The following SIPA1L3 variants were observed in gnomAD, a reference collection of about 807,000 sequenced individuals.
SIPA1L3 encodes the protein signal-induced proliferation-associated 1-like protein 3.
Under a neutral mutation model 150.1 loss-of-function variants are expected in SIPA1L3, and 59 were observed. The observed-to-expected ratio is 0.39, with a 90% CI of 0.32 to 0.49. SIPA1L3 has a LOEUF of 0.49. Among genes scored for constraint, SIPA1L3 ranks in the 20% least tolerant of loss-of-function variants. SIPA1L3 has a pLI of 0.86. For synonymous variants in SIPA1L3, 1,070 were observed against 1,077.6 expected, an observed-to-expected ratio of 0.99 and a Z score of 0.14; for missense variants, 2,211 against 2,489.5, an observed-to-expected ratio of 0.89 and a Z score of 2.38.
intron 1 of SIPA1L3, among the ~76,000 whole-genome samples, chr19:37,923,394 C>A (rs2145486340): frequency 6.6e-6 from 1 of 152,328 alleles, no homozygotes. Flanking sequence ...CAAACCTACA[C>A]ACATGTGACT....
chr19:37,945,303 C>T (rs544954653), intron 1 of SIPA1L3, among the ~76,000 whole-genome samples: 5 of 151,788 alleles, frequency 3.3e-5, no homozygotes, highest in African/African-American at 7.3e-5. Flanking sequence ...GGTGCGATCT[C>T]GGCTCACTGC....
intron 4 of SIPA1L3, among the ~76,000 whole-genome samples, chr19:38,090,392 G>C (rs1011967949): frequency 1.3e-5 from 2 of 150,290 alleles, no homozygotes; most frequent in East Asian, 3.9e-4. Flanking sequence ...CTCTGCTTTA[G>C]ATCACAAGCC....
intron 16 of SIPA1L3, among the ~76,000 whole-genome samples, chr19:38,183,335 C>T (rs1167879463): frequency 2.0e-5 from 3 of 149,130 alleles, no homozygotes; most frequent in Non-Finnish European, 4.4e-5. Context: ...ATGGTCCAGG[C>T]GCAGACGAAG....
rs142998769 is a variant in SIPA1L3, at chr19:38,074,051, A to G, written c.-310-7205A>G. ...CCAGGAGGCAGTCTGGTTCCTGCCT[A>G]TGCTGTGCTTCTCTCATCACGGGGG... On this transcript the variant is annotated intron_variant, in intron 2 of 21. Transcript: ENST00000222345. Among the ~76,000 whole-genome samples, 407 of 152,348 alleles carry G rather than the reference A, an allele frequency of 2.7e-3. 1 individual carries two copies. Among genetic ancestry groups the G allele is most frequent in the African/African-American group, 9.4e-3 (390 of 41,576 alleles).
intron 1 of SIPA1L3, among the ~76,000 whole-genome samples, chr19:37,995,412 G>T (rs1967612846): frequency 6.6e-6 from 1 of 152,166 alleles, no homozygotes; most frequent in African/African-American, 2.4e-5. Flanking sequence ...GGGATCTGAA[G>T]CCATGTATTC....
intron 1 of SIPA1L3, among the ~76,000 whole-genome samples, chr19:37,958,607 A>G (rs353424): frequency 0.31 from 46,702 of 152,068 alleles, 8,885 homozygotes; most frequent in East Asian, 0.68. Flanking sequence ...GAGTTAGGCA[A>G]TGGTTTCTTA....
At chr19:38,093,355 T>C (rs1057000955) in intron 4 of SIPA1L3, among the ~76,000 whole-genome samples, 10 of 152,156 alleles carry the variant, frequency 6.6e-5, no homozygotes, top group African/African-American at 2.4e-4. Context: ...GAGTCCTAGT[T>C]TGACCACTCA....
At chr19:37,981,052 A>G (rs1967189542) in intron 1 of SIPA1L3, among the ~76,000 whole-genome samples, 1 of 152,202 alleles carries the variant, frequency 6.6e-6, no homozygotes, top group Non-Finnish European at 1.5e-5. Context: ...TTGGCCACAT[A>G]GTGAGTGCTC....
chr19:38,188,809 G>A (rs574579007), intron 16 of SIPA1L3, among the ~76,000 whole-genome samples: 1 of 151,896 alleles, frequency 6.6e-6, no homozygotes, highest in African/African-American at 2.4e-5. Flanking sequence ...TGTAGTCCCA[G>A]CTACTCTGGA....
At chr19:37,920,121 A>G (rs2046446259) in intron 1 of SIPA1L3, among the ~76,000 whole-genome samples, 1 of 149,266 alleles carries the variant, frequency 6.7e-6, no homozygotes. Flanking sequence ...GTACAGTGGC[A>G]TGATCATAGC....
chr19:38,140,189 G>A (rs1479476520), intron 10 of SIPA1L3, among the ~76,000 whole-genome samples: 2 of 152,200 alleles, frequency 1.3e-5, no homozygotes, highest in East Asian at 3.9e-4. Context: ...AGGCTCCTCT[G>A]AGCTCAGCTC....
intron 1 of SIPA1L3, among the ~76,000 whole-genome samples, chr19:37,975,145 G>C (rs1967044735): frequency 6.6e-6 from 1 of 152,236 alleles, no homozygotes; most frequent in African/African-American, 2.4e-5. Context: ...TGACAGCCTG[G>C]AGGGGACGCA....
chr19:38,190,462 A>C (rs75902579), intron 16 of SIPA1L3, among the ~76,000 whole-genome samples: 2,916 of 152,240 alleles, frequency 0.019, 91 homozygotes, highest in African/African-American at 0.065. Flanking sequence ...CTGGAATTCC[A>C]ATTTGGGGAG....
At chr19:38,163,507 A>C (rs1972139314) in intron 14 of SIPA1L3, among the ~76,000 whole-genome samples, 3 of 151,644 alleles carry the variant, frequency 2.0e-5, no homozygotes, top group Non-Finnish European at 2.9e-5. Flanking sequence ...AAAAAAAAAA[A>C]AAAACAGTCC....
intron 1 of SIPA1L3, among the ~76,000 whole-genome samples, chr19:38,022,426 T>TCAAGAAAAAAATAAA (rs1968394362): frequency 6.6e-6 from 1 of 150,546 alleles, no homozygotes. Flanking sequence ...AGACCCTATC[T>TCAAGAAAAAAATAAA]TTAAGAAGAA....
chr19:38,038,691 A>G (rs1968845307), intron 2 of SIPA1L3, among the ~76,000 whole-genome samples: 2 of 152,086 alleles, frequency 1.3e-5, no homozygotes, highest in Non-Finnish European at 2.9e-5. Context: ...TTTGAAAGAC[A>G]CCCAGGAACA....
At chr19:38,062,720 A>G (rs1969476567) in intron 2 of SIPA1L3, among the ~76,000 whole-genome samples, 1 of 152,072 alleles carries the variant, frequency 6.6e-6, no homozygotes, top group Non-Finnish European at 1.5e-5. Context: ...TCACGGGCTC[A>G]AGCGGTTCTC....
At chr19:37,929,999 C>T (rs1202611372) in intron 1 of SIPA1L3, among the ~76,000 whole-genome samples, 1 of 150,756 alleles carries the variant, frequency 6.6e-6, no homozygotes, top group Non-Finnish European at 1.5e-5. Context: ...GCTGGGACCA[C>T]AGGTGCATGC....
In SIPA1L3 at chr19:37,912,740, T is replaced by C. The variant is rs112991317; in HGVS notation, c.-379+5382T>C. 3.7e-3 allele frequency among the ~76,000 whole-genome samples: 561 copies of C among 152,246 alleles called. 3 individuals carry two copies. The highest frequency in any genetic ancestry group is 0.013 in the African/African-American group (545 of 41,536). The stretch of plus-strand genomic sequence containing the variant: ...TCGAAGTCCTGGCCTCAAATGATCC[T>C]CCCGCCTCAGCCTACATGTGTTCTT... On this transcript the variant is annotated intron_variant, in intron 1 of 21. Coordinates refer to ENST00000222345, the MANE Select transcript of SIPA1L3 (RefSeq NM_015073.3).
Sources: allele counts gnomAD v4.1 joint callset (sites outside exome capture counted in the v4.1 genomes callset), GRCh38; gene constraint gnomAD v4.1.1; transcripts MANE v1.5; gene names NCBI Gene and HGNC (gene_info 2026-07-23, HGNC 2026-07-21).